The following CACNB2 variants were observed in gnomAD, a reference collection of about 807,000 sequenced individuals.
CACNB2 encodes voltage-dependent L-type calcium channel subunit beta-2.
CACNB2 carries 42 observed loss-of-function variants against 73.3 expected under a neutral mutation model. The observed-to-expected ratio is 0.57, with a 90% CI of 0.45 to 0.74. The LOEUF is 0.74. CACNB2 is among the 30% of genes least tolerant of loss of function. CACNB2 has a pLI of 0.00. For missense variants in CACNB2, 940 were observed against 853.0 expected (o/e 1.10, Z -1.27); for synonymous variants, 348 against 310.3 (o/e 1.12, Z -1.28).
intron 2 of CACNB2, among the ~76,000 whole-genome samples, chr10:18,235,142 CAAAA>C (rs34052926): frequency 0.063 from 6,233 of 99,722 alleles, 474 homozygotes; most frequent in African/African-American, 0.18. Flanking sequence ...GACTCTGTCT[CAAAA>C]AAAAAAAAAA....
chr10:18,316,316 T>C (rs949398829), intron 2 of CACNB2, among the ~76,000 whole-genome samples: 1 of 152,184 alleles, frequency 6.6e-6, no homozygotes, highest in Non-Finnish European at 1.5e-5. Flanking sequence ...AAGTTCTCAA[T>C]AATGTTGGGT....
intron 2 of CACNB2, among the ~76,000 whole-genome samples, chr10:18,175,593 G>A (rs2033540444): frequency 1.3e-5 from 2 of 152,022 alleles, no homozygotes; most frequent in South Asian, 4.2e-4. Context: ...GCTTCTTGAT[G>A]AATTTTTTTT....
At chr10:18,220,396 A>G (rs1015780076) in intron 2 of CACNB2, among the ~76,000 whole-genome samples, 1 of 148,544 alleles carries the variant, frequency 6.7e-6, no homozygotes, top group Non-Finnish European at 1.5e-5. Context: ...AGTAGCTACG[A>G]CTACAGGCAC....
In CACNB2 at chr10:18,159,914, A is replaced by G. The variant is rs77451769; in HGVS notation, c.213+8939A>G. ...CCTGTAAATTTCTTTTTATCTTATT[A>G]TGGAGTCACTTAGATTTTGTGAATG... On this transcript the variant is annotated intron_variant, in intron 2 of 13. Coordinates refer to ENST00000324631, the MANE Select transcript of CACNB2 (RefSeq NM_201596.3). 1.1e-3 allele frequency among the ~76,000 whole-genome samples: 172 copies of G among 152,250 alleles called. 4 individuals are homozygous for G. The East Asian group carries it at 0.026, about 23-fold the overall frequency.
At chr10:18,321,111 A>G (rs917448194) in intron 2 of CACNB2, among the ~76,000 whole-genome samples, 1 of 152,226 alleles carries the variant, frequency 6.6e-6, no homozygotes. Context: ...GAGAATTGAG[A>G]AAGCAGAAAT....
intron 2 of CACNB2, among the ~76,000 whole-genome samples, chr10:18,394,162 TTGGCCAGGCTGGTCTC>T (rs2043608149): frequency 1.7e-5 from 1 of 58,470 alleles, no homozygotes; most frequent in African/African-American, 6.0e-5. Flanking sequence ...GGCTGGTCTC[TTGGCCAGGCTGGTCTC>T]GAATTCCTGA....
chr10:18,278,639 A>T (rs2038401976), intron 2 of CACNB2, among the ~76,000 whole-genome samples: 1 of 152,186 alleles, frequency 6.6e-6, no homozygotes, highest in African/African-American at 2.4e-5. Context: ...GGAAATGGAG[A>T]TAGAAAACGG....
At chr10:18,263,208 G>A (rs987407666) in intron 2 of CACNB2, among the ~76,000 whole-genome samples, 8 of 152,110 alleles carry the variant, frequency 5.3e-5, no homozygotes, top group Non-Finnish European at 8.8e-5. Flanking sequence ...AGGTTAAATC[G>A]AAACCTATTT....
intron 2 of CACNB2, chr10:18,234,094 C>A (rs1019109429): frequency 6.6e-6 from 1 of 152,288 alleles, no homozygotes; most frequent in East Asian, 1.9e-4. Flanking sequence ...AGGTTATGTC[C>A]TGGCGTTAGA....
In CACNB2 at chr10:18,346,710, T is replaced by C. The variant is rs146425167; in HGVS notation, c.214-55214T>C. The stretch of plus-strand genomic sequence containing the variant: ...CTCCCAGGCTCAAGCCATCATCCCA[T>C]CTCAGCCTCCCGAGTAGCTGGGACT... On this transcript the variant is annotated intron_variant, in intron 2 of 13. Coordinates refer to ENST00000324631, the MANE Select transcript of CACNB2 (RefSeq NM_201596.3). 9.0e-3 allele frequency among the ~76,000 whole-genome samples: 1,345 copies of C among 150,150 alleles called. 28 individuals are homozygous for C. The highest frequency in any genetic ancestry group is 0.028 in the African/African-American group (1,162 of 40,894).
At chr10:18,172,481 C>T (rs542187867) in intron 2 of CACNB2, among the ~76,000 whole-genome samples, 32 of 152,236 alleles carry the variant, frequency 2.1e-4, no homozygotes, top group African/African-American at 7.5e-4. Context: ...TAGTTTTCCA[C>T]GCATTGTTTT....
At chr10:18,537,120 T>C (rs911782670) in intron 12 of CACNB2, among the ~76,000 whole-genome samples, 1 of 152,100 alleles carries the variant, frequency 6.6e-6, no homozygotes, top group African/African-American at 2.4e-5. Flanking sequence ...TCCAAGTAGC[T>C]AGGACTACAG....
At chr10:18,217,975 C>G (rs954308331) in intron 2 of CACNB2, among the ~76,000 whole-genome samples, 1 of 152,006 alleles carries the variant, frequency 6.6e-6, no homozygotes, top group African/African-American at 2.4e-5. Flanking sequence ...TAGGAAGAGC[C>G]CCTTGTGTCT....
Position 18,401,957 on chromosome 10 carries a change from G to C in CACNB2, c.247G>C (p.Asp83His). The change falls in exon 3 of 14, where the codon GAT (aspartate) becomes CAT (histidine). Residue 83 changes from aspartate (D) to histidine (H), a missense_variant. Physicochemically the swap from Asp to His is moderately conservative, Grantham distance 81. Transcript: ENST00000324631. ...SADSYTSRPS[D>H]SDVSLEEDRE... is the part of the protein sequence containing the mutation. ...AGACTCCTACACTAGCCGTCCATCC[G>C]ATTCCGATGTATCTCTGGAGGAGGA... 1 of 1,613,966 alleles carries C rather than the reference G, an allele frequency of 6.2e-7. No homozygotes were observed. The highest frequency in any genetic ancestry group is 8.5e-7 in the Non-Finnish European group (1 of 1,179,870).
At chr10:18,464,139 C>T (rs556148542) in intron 3 of CACNB2, among the ~76,000 whole-genome samples, 4 of 151,984 alleles carry the variant, frequency 2.6e-5, no homozygotes, top group Non-Finnish European at 5.9e-5. Context: ...ACACCATGTT[C>T]TCTGGACATC....
intron 2 of CACNB2, among the ~76,000 whole-genome samples, chr10:18,333,868 C>T (rs1432783434): frequency 6.6e-6 from 1 of 151,042 alleles, no homozygotes; most frequent in Non-Finnish European, 1.5e-5. Context: ...AAAATTCTGC[C>T]TTTTTTTTTG....
chr10:18,534,537 C>G (rs746643898), intron 11 of CACNB2, among the ~76,000 whole-genome samples: 14 of 152,132 alleles, frequency 9.2e-5, no homozygotes, highest in Non-Finnish European at 1.5e-4. Context: ...ATGGCTGATG[C>G]AAAAGCAATG....
intron 2 of CACNB2, among the ~76,000 whole-genome samples, chr10:18,323,933 C>T (rs2040486261): frequency 1.3e-5 from 2 of 152,260 alleles, no homozygotes; most frequent in Admixed American, 1.3e-4. Flanking sequence ...ATCTTAAAGT[C>T]ATTTGTAGAA....
chr10:18,274,429 G>A (rs2038190193), intron 2 of CACNB2, among the ~76,000 whole-genome samples: 1 of 152,180 alleles, frequency 6.6e-6, no homozygotes, highest in Non-Finnish European at 1.5e-5. Context: ...TCTCAAATCT[G>A]AATATGGCAG....
Sources: gnomAD v4.1 joint callset for allele counts (sites outside exome capture counted in the v4.1 genomes callset) on GRCh38, gnomAD v4.1.1 for gene constraint, MANE v1.5 for transcripts, NCBI Gene and HGNC (gene_info 2026-07-23, HGNC 2026-07-21) for gene names.